The following INTS7 variants were observed in gnomAD, a reference collection of about 807,000 sequenced individuals.
INTS7 encodes integrator complex subunit 7.
In INTS7, 46 loss-of-function variants were observed where a neutral mutation model predicts 109.2. The observed-to-expected ratio is 0.42, with a 90% CI of 0.33 to 0.54. The LOEUF (loss-of-function observed/expected upper bound fraction) is 0.54. Among genes scored for constraint, INTS7 ranks in the 20% least tolerant of loss-of-function variants. The probability of loss-of-function intolerance (pLI) is 0.07; values close to 1 mark genes in which losing one functional copy is unlikely to be tolerated. For missense variants in INTS7, 929 were observed against 1,132.4 expected (o/e 0.82, Z 2.58); for synonymous variants, 412 against 402.9 (o/e 1.02, Z -0.27).
At position 211,982,317 on chromosome 1, in the gene INTS7, T is replaced by C. The variant is rs80069211; in HGVS notation, c.1132+359A>G. On this transcript the variant is annotated intron_variant, in intron 9 of 19. Coordinates refer to ENST00000366994, the MANE Select transcript of INTS7 (RefSeq NM_015434.4). ...TTGTTATTTAAGTCCCTGGAGAACCTAAGTAAATTTTCTAGGTTTTTGTAT... is the reference window on the plus strand; with the variant it reads ...TTGTTATTTAAGTCCCTGGAGAACCCAAGTAAATTTTCTAGGTTTTTGTAT... Among the ~76,000 whole-genome samples, 14 of 152,268 alleles carry C rather than the reference T, an allele frequency of 9.2e-5. No individual in the cohort carries two copies. The East Asian group carries it at 2.7e-3, about 29-fold the overall frequency.
chr1:211,999,250 T>G (rs1266110645), intron 7 of INTS7, among the ~76,000 whole-genome samples: 1 of 152,216 alleles, frequency 6.6e-6, no homozygotes, highest in Non-Finnish European at 1.5e-5. Context: ...GACAAATTGT[T>G]GTACGCCCAT....
In INTS7 at chr1:211,952,684, G is replaced by A; in HGVS notation, c.2201C>T (p.Ser734Phe). 1 of 1,611,742 alleles carries A rather than the reference G, an allele frequency of 6.2e-7. No individual in the cohort carries two copies. The highest frequency in any genetic ancestry group is 2.2e-5 in the East Asian group (1 of 44,764). Residue 734 changes from serine to phenylalanine, a missense_variant, in exon 17 of 20, where the codon TCT becomes TTT. Physicochemically the swap from Ser to Phe is radical, Grantham distance 155 (BLOSUM62 -2). Around this residue, in one of 2 missense-constraint regions of INTS7, gnomAD observed 787 missense variants for 901.1 expected, o/e 0.87. Transcript: ENST00000366994. ...ACTATCAGCATGGGCTGTTCCAGTA[G>A]ATCCATATTCCTGGAAACTGAAGTA... is the stretch of plus-strand genomic sequence containing the variant. ...PESASFQEYG[S>F]TGTAHADSEY...
At chr1:211,966,254 C>CA in intron 16 of INTS7, 176 bp downstream of exon 16, 1 of 419,116 alleles carries the variant, frequency 2.4e-6, no homozygotes, top group Non-Finnish European at 4.3e-6. Flanking sequence ...AAACAGGAGG[C>CA]AGGAGGTAAA....
chr1:211,985,548 T>C (rs1342311812), intron 8 of INTS7, among the ~76,000 whole-genome samples: 1 of 152,178 alleles, frequency 6.6e-6, no homozygotes, highest in Non-Finnish European at 1.5e-5. Flanking sequence ...GCTTGAAAAG[T>C]GTTTAAGTAT....
chr1:211,971,050 T>C (rs1322441954), intron 13 of INTS7, among the ~76,000 whole-genome samples: 2 of 152,156 alleles, frequency 1.3e-5, no homozygotes, highest in African/African-American at 2.4e-5. Context: ...CACTTCCAAA[T>C]TGGAGCAGGG....
chr1:211,980,332 A>G (rs967035987), intron 10 of INTS7, among the ~76,000 whole-genome samples: 5 of 152,200 alleles, frequency 3.3e-5, no homozygotes, highest in Admixed American at 3.3e-4. Flanking sequence ...TGTTTATCTA[A>G]CAGTTTCTTA....
Position 211,940,726 on chromosome 1 carries a change from C to T in INTS7, c.*1098G>A, listed in dbSNP as rs1662593248. 1 of 152,228 alleles carries T rather than the reference C, an allele frequency of 6.6e-6. No individual in the cohort carries two copies. Among genetic ancestry groups the T allele is most frequent in the South Asian group, 2.1e-4 (1 of 4,834 alleles). The allele number at this position is 152,228 out of a possible 1,614,324, so 9.4% of individuals were successfully genotyped here. On this transcript the variant is annotated 3_prime_UTR_variant, in exon 20 of 20. Coordinates refer to ENST00000366994, the MANE Select transcript of INTS7 (RefSeq NM_015434.4). ...AAACTGAGCCTGTGTAATAAAGAGA[C>T]TGCTCTCTCTAAACAATCAGTCTAG... is the stretch of plus-strand genomic sequence containing the variant.
chr1:212,002,738 C>A (rs1665728612), intron 7 of INTS7, among the ~76,000 whole-genome samples: 1 of 152,236 alleles, frequency 6.6e-6, no homozygotes, highest in African/African-American at 2.4e-5. Flanking sequence ...CACTAATCTT[C>A]TTCCTGACTT....
In INTS7 at chr1:211,973,171, C is replaced by G. The variant is rs560706577; in HGVS notation, c.1815+1995G>C. Among the ~76,000 whole-genome samples the G allele has an allele frequency of 4.6e-5, 7 of 152,268 alleles. No individual in the cohort carries two copies. The South Asian group carries it at 1.5e-3, about 32-fold the overall frequency. ...ACATTGCCCAGGCTGGTCTCAAACT[C>G]CTGGGCTCAAGTGATCCTCCCATCT... On this transcript the variant is annotated intron_variant, in intron 13 of 19. Coordinates refer to ENST00000366994, the MANE Select transcript of INTS7 (RefSeq NM_015434.4).
intron 5 of INTS7, among the ~76,000 whole-genome samples, chr1:212,008,513 G>A (rs910431038): frequency 2.6e-5 from 4 of 151,952 alleles, no homozygotes; most frequent in Non-Finnish European, 5.9e-5. Flanking sequence ...CATTCTATGT[G>A]TTTTCCCTGA....
At chr1:211,984,858 G>A (rs1328247911) in intron 8 of INTS7, among the ~76,000 whole-genome samples, 1 of 152,020 alleles carries the variant, frequency 6.6e-6, no homozygotes, top group African/African-American at 2.4e-5. Context: ...ACTGCTCCGT[G>A]CCATATTTTC....
chr1:212,022,673 T>C (rs1241591525), intron 1 of INTS7, among the ~76,000 whole-genome samples: 1 of 151,446 alleles, frequency 6.6e-6, no homozygotes, highest in Non-Finnish European at 1.5e-5. Context: ...TAACTATAAC[T>C]CTCATACCTT....
intron 16 of INTS7, among the ~76,000 whole-genome samples, chr1:211,957,652 T>G (rs2102396559): frequency 6.6e-6 from 1 of 152,354 alleles, no homozygotes; most frequent in South Asian, 2.1e-4. Context: ...ATTTTCTTGC[T>G]GTCCGTAACC....
intron 10 of INTS7, among the ~76,000 whole-genome samples, chr1:211,979,455 T>C (rs1664555713): frequency 6.6e-6 from 1 of 152,202 alleles, no homozygotes; most frequent in African/African-American, 2.4e-5. Context: ...AGAACACATT[T>C]CATTATAGGG....
At chr1:212,015,233 C>G (rs566200118) in intron 4 of INTS7, among the ~76,000 whole-genome samples, 130 of 152,206 alleles carry the variant, frequency 8.5e-4, no homozygotes, top group African/African-American at 3.1e-3. Flanking sequence ...TGAGAACAGG[C>G]CATGACGACG....
At chr1:211,956,853 C>T (rs1173249458) in intron 16 of INTS7, among the ~76,000 whole-genome samples, 1 of 152,052 alleles carries the variant, frequency 6.6e-6, no homozygotes, top group African/African-American at 2.4e-5. Flanking sequence ...TTGGGTTTTT[C>T]CAGATTTGTT....
At position 211,940,636 on chromosome 1, in the gene INTS7, A is replaced by C. The variant is rs1662589113; in HGVS notation, c.*1188T>G. On this transcript the variant is annotated 3_prime_UTR_variant, in exon 20 of 20. Transcript: ENST00000366994. ...TATTTTATCATGGTTTTCAACCAGA[A>C]TTAAAATAGGAAAAAAGGGGGTTTT... 2 of 152,192 alleles carry C rather than the reference A, an allele frequency of 1.3e-5. No individual in the cohort carries two copies. Among genetic ancestry groups the C allele is most frequent in the Admixed American group, 6.5e-5 (1 of 15,284 alleles). The allele number at this position is 152,192 out of a possible 1,614,324, so 9.4% of individuals were successfully genotyped here.
At chr1:211,970,782 T>C (rs1664135589) in intron 13 of INTS7, among the ~76,000 whole-genome samples, 1 of 152,116 alleles carries the variant, frequency 6.6e-6, no homozygotes, top group Non-Finnish European at 1.5e-5. Flanking sequence ...TGTATGGCAA[T>C]AGGAACTCTT....
chr1:211,983,651 G>A (rs1042503641), intron 8 of INTS7, among the ~76,000 whole-genome samples: 3 of 151,874 alleles, frequency 2.0e-5, no homozygotes, highest in African/African-American at 7.3e-5. Flanking sequence ...CATGATTCTC[G>A]TCAACTTCAA....
Sources: gnomAD v4.1 joint callset for allele counts (sites outside exome capture counted in the v4.1 genomes callset) on GRCh38, gnomAD v4.1.1 for gene constraint, gnomAD v4.1.1 regional missense constraint, MANE v1.5 for transcripts, NCBI Gene and HGNC (gene_info 2026-07-23, HGNC 2026-07-21) for gene names.